The following RSPO2 variants were observed in gnomAD, a reference collection of about 807,000 sequenced individuals.
The protein encoded by RSPO2 is R-spondin 2, also known as R-spondin-2.
Under a neutral mutation model 30.9 loss-of-function variants are expected in RSPO2, and 14 were observed. That is an observed-to-expected ratio of 0.45 (90% CI 0.30 to 0.71). The LOEUF is 0.71. RSPO2 is among the 30% of genes least tolerant of loss of function. The pLI is 0.08. For missense variants in RSPO2, 264 were observed against 301.9 expected (o/e 0.87, Z 0.93); for synonymous variants, 107 against 96.4 (o/e 1.11, Z -0.64).
intron 2 of RSPO2, among the ~76,000 whole-genome samples, chr8:108,035,028 A>C (rs1811546783): frequency 6.6e-6 from 1 of 152,248 alleles, no homozygotes; most frequent in Non-Finnish European, 1.5e-5. Context: ...CCAGGGAAAT[A>C]CATCTTCCAA....
At chr8:107,916,409 C>T (rs1586539101) in intron 5 of RSPO2, among the ~76,000 whole-genome samples, 2 of 152,130 alleles carry the variant, frequency 1.3e-5, no homozygotes, top group African/African-American at 2.4e-5. Flanking sequence ...GACTCCACAC[C>T]TAGTACATAA....
chr8:108,080,363 T>C (rs754807122), intron 2 of RSPO2, among the ~76,000 whole-genome samples: 1 of 152,206 alleles, frequency 6.6e-6, no homozygotes, highest in Non-Finnish European at 1.5e-5. Flanking sequence ...ATTTTTTTTT[T>C]ACACCCTTAC....
chr8:107,995,749 C>G (rs1386203952), intron 2 of RSPO2, among the ~76,000 whole-genome samples: 2 of 152,086 alleles, frequency 1.3e-5, no homozygotes, highest in Non-Finnish European at 2.9e-5. Context: ...CTGACCCTCA[C>G]CTTTGTCATT....
intron 2 of RSPO2, among the ~76,000 whole-genome samples, chr8:108,026,841 G>A (rs1313154942): frequency 6.6e-6 from 1 of 152,086 alleles, no homozygotes; most frequent in African/African-American, 2.4e-5. Context: ...ACTCCAGCCT[G>A]TGTGACAGAG....
At chr8:108,036,846 T>C (rs1054784196) in intron 2 of RSPO2, among the ~76,000 whole-genome samples, 1 of 152,224 alleles carries the variant, frequency 6.6e-6, no homozygotes, top group Non-Finnish European at 1.5e-5. Flanking sequence ...TAATCTGTTA[T>C]GGTGATCTGT....
At chr8:107,947,369 A>G (rs1813098558) in intron 5 of RSPO2, among the ~76,000 whole-genome samples, 2 of 152,224 alleles carry the variant, frequency 1.3e-5, no homozygotes, top group Non-Finnish European at 2.9e-5. Flanking sequence ...AGATGAAAGT[A>G]GTAGTTAGAA....
chr8:108,042,377 T>A (rs940016408), intron 2 of RSPO2, among the ~76,000 whole-genome samples: 3 of 151,998 alleles, frequency 2.0e-5, no homozygotes, highest in Non-Finnish European at 4.4e-5. Context: ...AAATAACAAC[T>A]AAGCAGGGCT....
At chr8:107,935,858 C>T (rs931863640) in intron 5 of RSPO2, among the ~76,000 whole-genome samples, 1 of 152,094 alleles carries the variant, frequency 6.6e-6, no homozygotes, top group Non-Finnish European at 1.5e-5. Flanking sequence ...TCTATGGGTA[C>T]ATCTGAATAT....
rs188308931 is a variant in RSPO2 at position 108,002,072 on chromosome 8, G to A, written c.95-12828C>T. Among the ~76,000 whole-genome samples the A allele has an allele frequency of 1.4e-4, 22 of 152,226 alleles. No homozygotes were observed. In the East Asian group the frequency reaches 3.9e-3, roughly 27 times the overall value. ...GTATAATAAAAAAAAGTTAGCATGCGTGCTATCCTATAAGCCTTAGCTTGA... is the reference window on the plus strand; with the variant it reads ...GTATAATAAAAAAAAGTTAGCATGCATGCTATCCTATAAGCCTTAGCTTGA... On this transcript the variant is annotated intron_variant, in intron 2 of 5. Coordinates refer to ENST00000276659, the MANE Select transcript of RSPO2 (RefSeq NM_178565.5).
At chr8:107,925,691 G>T (rs1812344089) in intron 5 of RSPO2, among the ~76,000 whole-genome samples, 1 of 152,012 alleles carries the variant, frequency 6.6e-6, no homozygotes, top group Non-Finnish European at 1.5e-5. Context: ...TGCTGAGAAT[G>T]ATGGTTTCCA....
At chr8:108,056,436 T>A (rs1175634542) in intron 2 of RSPO2, among the ~76,000 whole-genome samples, 2 of 148,308 alleles carry the variant, frequency 1.3e-5, no homozygotes, top group African/African-American at 5.2e-5. Context: ...CTGGGCAACA[T>A]GGCAAAACCC....
intron 2 of RSPO2, among the ~76,000 whole-genome samples, chr8:108,063,158 A>C (rs781058482): frequency 2.3e-4 from 35 of 151,858 alleles, no homozygotes; most frequent in South Asian, 2.1e-3. Flanking sequence ...TCCTATTCAA[A>C]ATAGTGTTGG....
At chr8:107,926,480 C>T (rs2130328544) in intron 5 of RSPO2, among the ~76,000 whole-genome samples, 1 of 152,070 alleles carries the variant, frequency 6.6e-6, no homozygotes, top group Non-Finnish European at 1.5e-5. Flanking sequence ...CTTGCCCATG[C>T]CTATGTCCAG....
intron 2 of RSPO2, among the ~76,000 whole-genome samples, chr8:108,027,705 A>G (rs1302331706): frequency 6.6e-6 from 1 of 152,090 alleles, no homozygotes; most frequent in African/African-American, 2.4e-5. Context: ...GGGAAAATAA[A>G]AAGGGACTGA....
At chr8:107,908,691 G>GATTA (rs1485751262) in intron 5 of RSPO2, among the ~76,000 whole-genome samples, 1 of 152,122 alleles carries the variant, frequency 6.6e-6, no homozygotes, top group African/African-American at 2.4e-5. Flanking sequence ...GTGGACTAAA[G>GATTA]ATTAACAAGA....
chr8:107,980,908 A>T (rs1358169385), intron 3 of RSPO2, among the ~76,000 whole-genome samples: 1 of 152,168 alleles, frequency 6.6e-6, no homozygotes, highest in Non-Finnish European at 1.5e-5. Context: ...GCTATCTAAT[A>T]CTGTTGTCTA....
At chr8:107,907,404 A>C (rs1032161733) in intron 5 of RSPO2, among the ~76,000 whole-genome samples, 3 of 152,100 alleles carry the variant, frequency 2.0e-5, no homozygotes, top group African/African-American at 7.2e-5. Flanking sequence ...ATTTTCCTTA[A>C]GAAAAAATAA....
chr8:107,914,638 A>C (rs1003172336), intron 5 of RSPO2, among the ~76,000 whole-genome samples: 3 of 152,110 alleles, frequency 2.0e-5, no homozygotes, highest in African/African-American at 7.2e-5. Context: ...GATGTAAAAA[A>C]ACCTTCCTCC....
At chr8:107,952,550 C>T (rs1484100660) in intron 5 of RSPO2, among the ~76,000 whole-genome samples, 1 of 152,184 alleles carries the variant, frequency 6.6e-6, no homozygotes, top group African/African-American at 2.4e-5. Context: ...CTTATCTCCT[C>T]TCTTCCAAAC....
Sources: gnomAD v4.1 joint callset for allele counts (sites outside exome capture counted in the v4.1 genomes callset) on GRCh38, gnomAD v4.1.1 for gene constraint, MANE v1.5 for transcripts, NCBI Gene and HGNC (gene_info 2026-07-23, HGNC 2026-07-21) for gene names.